OXR1: variants seen among roughly 807,000 people sequenced by gnomAD.
OXR1 encodes the protein oxidation resistance protein 1.
In OXR1, 41 loss-of-function variants were observed where a neutral mutation model predicts 104.6. The ratio of observed to expected loss-of-function variants is 0.39; its 90% confidence interval spans 0.31 to 0.51. OXR1 has a LOEUF of 0.51. Among genes scored for constraint, OXR1 ranks in the 20% least tolerant of loss-of-function variants. The probability of loss-of-function intolerance (pLI) is 0.77; values close to 1 mark genes in which losing one functional copy is unlikely to be tolerated. For missense variants in OXR1, 955 were observed against 1,031.9 expected (o/e 0.93, Z 1.02); for synonymous variants, 348 against 348.4 (o/e 1.00, Z 0.01).
At chr8:106,302,367 G>C (rs1291795558) in intron 1 of OXR1, among the ~76,000 whole-genome samples, 1 of 152,094 alleles carries the variant, frequency 6.6e-6, no homozygotes, top group Non-Finnish European at 1.5e-5. Flanking sequence ...TGGATCACGA[G>C]GTCAGGAGAT....
intron 2 of OXR1, among the ~76,000 whole-genome samples, chr8:106,518,471 A>G (rs1813012310): frequency 6.6e-6 from 1 of 152,224 alleles, no homozygotes; most frequent in African/African-American, 2.4e-5. Flanking sequence ...ATAGTAAAAT[A>G]ACATGAATTC....
At chr8:106,521,596 T>C (rs1448534836) in intron 3 of OXR1, among the ~76,000 whole-genome samples, 1 of 152,140 alleles carries the variant, frequency 6.6e-6, no homozygotes, top group Non-Finnish European at 1.5e-5. Context: ...CACTGCAACC[T>C]CCACCTCCAG....
At chr8:106,739,398 A>G in intron 12 of OXR1, 60 bp from the exon 13 acceptor site, 2 of 1,475,594 alleles carry the variant, frequency 1.4e-6, no homozygotes, top group Admixed American at 1.8e-5. Flanking sequence ...GAAAAGTCTG[A>G]CAATTTTGAA....
chr8:106,547,431 G>T, intron 3 of OXR1, among the ~76,000 whole-genome samples: 1 of 149,738 alleles, frequency 6.7e-6, no homozygotes, highest in Non-Finnish European at 1.5e-5. Flanking sequence ...TATTCAGTTA[G>T]TATAATATCT....
chr8:106,452,468 T>G (rs1186420488), intron 2 of OXR1, among the ~76,000 whole-genome samples: 3 of 152,166 alleles, frequency 2.0e-5, no homozygotes, highest in Non-Finnish European at 4.4e-5. Flanking sequence ...GGAAAATTGT[T>G]TCATATCTTG....
At chr8:106,697,950 C>T (rs878898713) in intron 7 of OXR1, 1 of 1,612,666 alleles carries the variant, frequency 6.2e-7, no homozygotes, top group South Asian at 1.1e-5. Flanking sequence ...CTGCATCATA[C>T]TGTTTCTCAA....
chr8:106,597,181 C>T (rs2130732802), intron 3 of OXR1, among the ~76,000 whole-genome samples: 1 of 152,276 alleles, frequency 6.6e-6, no homozygotes, highest in African/African-American at 2.4e-5. Flanking sequence ...TGCTGAAACC[C>T]TAAACCCCAA....
At chr8:106,450,504 C>T (rs765596177) in intron 2 of OXR1, among the ~76,000 whole-genome samples, 7 of 152,118 alleles carry the variant, frequency 4.6e-5, no homozygotes, top group Admixed American at 2.0e-4. Flanking sequence ...TATCAAAATA[C>T]GAAGCAGGAA....
At chr8:106,426,041 G>A (rs1819103476) in intron 2 of OXR1, among the ~76,000 whole-genome samples, 2 of 152,168 alleles carry the variant, frequency 1.3e-5, no homozygotes, top group African/African-American at 4.8e-5. Context: ...CAAAAGGCCT[G>A]AGAGACAGAC....
intron 7 of OXR1, among the ~76,000 whole-genome samples, chr8:106,698,402 C>T (rs1830276983): frequency 6.6e-6 from 1 of 151,970 alleles, no homozygotes; most frequent in East Asian, 1.9e-4. Context: ...GCTGGGGGTT[C>T]CTTTAGCTTG....
chr8:106,385,240 A>G (rs1008928410), intron 2 of OXR1, among the ~76,000 whole-genome samples: 1 of 152,230 alleles, frequency 6.6e-6, no homozygotes, highest in Non-Finnish European at 1.5e-5. Flanking sequence ...TGTCTGTGAC[A>G]ATTACCTAAT....
At chr8:106,643,128 C>T (rs568637886) in intron 3 of OXR1, among the ~76,000 whole-genome samples, 9 of 152,124 alleles carry the variant, frequency 5.9e-5, no homozygotes, top group Non-Finnish European at 1.2e-4. Context: ...TACCGAATGT[C>T]ACTGTGGGTG....
In OXR1 at chr8:106,618,015, G is replaced by C. The variant is rs1044371038; in HGVS notation, c.221-61195G>C. 1.4e-5 allele frequency: 21 copies of C among 1,499,754 alleles called. No homozygotes were observed. In the African/African-American group the frequency reaches 2.8e-4, roughly 20 times the overall value. 92.9% of individuals were successfully genotyped at this position (1,499,754 alleles called of 1,614,324 possible). On this transcript the variant is annotated intron_variant, in intron 3 of 16. Coordinates refer to ENST00000517566, the MANE Select transcript of OXR1 (RefSeq NM_001198533.2). ...CTCTGAATCTTGCACACTGCCACCA[G>C]GGGTCAGGGACCGGGCGGGAGGAGA...
rs113812260 is a variant in OXR1, at chr8:106,614,840, A to T, written c.221-64370A>T. Among the ~76,000 whole-genome samples the T allele has an allele frequency of 1.0e-3, 155 of 152,226 alleles. 3 individuals are homozygous for T. The highest frequency in any genetic ancestry group is 3.6e-3 in the African/African-American group (151 of 41,530). Reference sequence around the variant, plus strand: ...CAGTGTGTGTGTGTATGGTTTTATAACTCTCTCATTCATATTCAGACACAA... The same window carrying T: ...CAGTGTGTGTGTGTATGGTTTTATATCTCTCTCATTCATATTCAGACACAA... On this transcript the variant is annotated intron_variant, in intron 3 of 16. Coordinates refer to ENST00000517566, the MANE Select transcript of OXR1 (RefSeq NM_001198533.2).
intron 7 of OXR1, 53 bp downstream of exon 7, chr8:106,692,930 A>T: frequency 7.8e-7 from 1 of 1,283,144 alleles, no homozygotes; most frequent in Non-Finnish European, 1.1e-6. Flanking sequence ...GTTATTACTA[A>T]TGTATGATAG....
At chr8:106,666,842 C>T (rs568471411) in intron 3 of OXR1, among the ~76,000 whole-genome samples, 59 of 152,182 alleles carry the variant, frequency 3.9e-4, no homozygotes, top group South Asian at 1.7e-3. Context: ...TGCTGAAACT[C>T]GGTTTTATAA....
chr8:106,369,874 A>G (rs1417918474), intron 2 of OXR1, among the ~76,000 whole-genome samples: 1 of 152,200 alleles, frequency 6.6e-6, no homozygotes, highest in African/African-American at 2.4e-5. Flanking sequence ...TGTCTTGGCT[A>G]TACGAGGTCT....
At chr8:106,544,600 G>A (rs923254247) in intron 3 of OXR1, among the ~76,000 whole-genome samples, 11 of 152,138 alleles carry the variant, frequency 7.2e-5, no homozygotes, top group East Asian at 3.9e-4. Flanking sequence ...ATAGCACTAC[G>A]AAAAAGTATT....
intron 1 of OXR1, among the ~76,000 whole-genome samples, chr8:106,335,627 T>C (rs982036632): frequency 1.6e-4 from 25 of 151,896 alleles, no homozygotes; most frequent in African/African-American, 5.8e-4. Context: ...GAAGAAAAAA[T>C]AAAAAAAATT....
Sources: allele counts gnomAD v4.1 joint callset (sites outside exome capture counted in the v4.1 genomes callset), GRCh38; gene constraint gnomAD v4.1.1; transcripts MANE v1.5; gene names NCBI Gene and HGNC (gene_info 2026-07-23, HGNC 2026-07-21).